The following ZNF182 variants were observed in gnomAD, a reference collection of about 807,000 sequenced individuals.
ZNF182 encodes zinc finger protein 182.
Under a neutral mutation model 28.1 loss-of-function variants are expected in ZNF182, and 10 were observed. The ratio of observed to expected loss-of-function variants is 0.36; its 90% CI spans 0.22 to 0.60. The LOEUF (loss-of-function observed/expected upper bound fraction) is 0.60. Ranked by LOEUF, ZNF182 falls within the 20% of genes least tolerant of loss-of-function variation. ZNF182 has a pLI of 0.75. For missense variants in ZNF182, 352 were observed against 453.2 expected, an observed-to-expected ratio of 0.78 and a Z score of 2.03; for synonymous variants, 156 against 158.7, an observed-to-expected ratio of 0.98 and a Z score of 0.13.
intron 3 of ZNF182, among the ~76,000 whole-genome samples, chrX:47,997,759 T>C (rs2058964261): frequency 9.0e-6 from 1 of 110,635 alleles, no homozygotes; most frequent in Admixed American, 9.6e-5. Flanking sequence ...ACCACTACGC[T>C]CCAGCCTGGG....
rs141776288 is a variant in ZNF182 at position 47,976,965 on chromosome X, A to G, written c.1065T>C (p.His355=). The change falls in exon 6 of 6, where the codon CAT becomes CAC. Residue 355 remains histidine (H), a synonymous_variant. Transcript: ENST00000376943. The part of the protein sequence containing the change: ...HHSTHTGKKP[H]ECNECKKTFS... ...AAGTTTTCTTACACTCATTACATTC[A>G]TGGGGTTTCTTTCCTGTATGGGTAC... The G allele has an allele frequency of 1.7e-6, 2 of 1,206,764 alleles. No individual in the cohort carries two copies. The highest frequency in any genetic ancestry group is 2.2e-6 in the Non-Finnish European group (2 of 893,841).
chrX:47,983,475 G>A (rs1292141663), intron 3 of ZNF182, 64 bp from the exon 4 acceptor site: 36 of 1,098,663 alleles, frequency 3.3e-5, no homozygotes, highest in African/African-American at 7.5e-5. Flanking sequence ...TAAAATGCAC[G>A]GGAACTTCTG....
intron 3 of ZNF182, among the ~76,000 whole-genome samples, chrX:48,000,514 A>G (rs1336262013): frequency 9.0e-6 from 1 of 111,134 alleles, no homozygotes; most frequent in Non-Finnish European, 1.9e-5. Context: ...GTGAGCCAAG[A>G]TGGCGCCACT....
intron 3 of ZNF182, 165 bp downstream of exon 3, chrX:48,002,430 T>C (rs7052617): frequency 0.016 from 10,991 of 681,344 alleles, 118 homozygotes; most frequent in Middle Eastern, 0.059. Context: ...ACACCCTGAG[T>C]CCTGCACACC....
intron 4 of ZNF182, 121 bp downstream of exon 4, chrX:47,983,164 C>A: frequency 2.7e-6 from 3 of 1,123,517 alleles, no homozygotes; most frequent in Non-Finnish European, 3.7e-6. Flanking sequence ...AACCATTTAA[C>A]CTGCATTTTG....
intron 3 of ZNF182, among the ~76,000 whole-genome samples, chrX:47,984,774 C>T (rs1228746230): frequency 1.8e-5 from 2 of 111,920 alleles, no homozygotes; most frequent in Non-Finnish European, 3.8e-5. Context: ...TGGCAAATAA[C>T]TTTTATTGAG....
intron 3 of ZNF182, among the ~76,000 whole-genome samples, chrX:47,992,625 T>C (rs2058945681): frequency 9.0e-6 from 1 of 111,516 alleles, no homozygotes; most frequent in Admixed American, 9.5e-5. Context: ...ACTCGCTGGC[T>C]GAGCACATGT....
intron 3 of ZNF182, among the ~76,000 whole-genome samples, chrX:47,983,908 G>C (rs1329411732): frequency 2.7e-5 from 3 of 111,538 alleles, no homozygotes; most frequent in Non-Finnish European, 5.6e-5. Flanking sequence ...CTTTGGAGTA[G>C]GGAAACAATT....
intron 3 of ZNF182, chrX:47,988,572 A>G: frequency 2.0e-6 from 1 of 498,035 alleles, no homozygotes; most frequent in Non-Finnish European, 3.7e-6. Context: ...CTGAGTCCTC[A>G]CCAGATGCAG....
intron 3 of ZNF182, among the ~76,000 whole-genome samples, chrX:47,987,035 T>A (rs2058925563): frequency 8.9e-6 from 1 of 112,048 alleles, no homozygotes; most frequent in African/African-American, 3.2e-5. Context: ...GGACTTCACC[T>A]TGTGATCGTG....
intron 3 of ZNF182, among the ~76,000 whole-genome samples, chrX:47,984,835 C>G (rs1416121312): frequency 8.9e-6 from 1 of 111,814 alleles, no homozygotes; most frequent in Non-Finnish European, 1.9e-5. Flanking sequence ...AAAAGAGATA[C>G]TTCACCATGG....
intron 3 of ZNF182, among the ~76,000 whole-genome samples, chrX:47,996,144 G>A (rs2058957790): frequency 8.9e-6 from 1 of 112,129 alleles, no homozygotes; most frequent in African/African-American, 3.2e-5. Flanking sequence ...TTGACAGTTG[G>A]AAGAGAAATA....
intron 5 of ZNF182, among the ~76,000 whole-genome samples, chrX:47,978,451 T>A (rs1260597314): frequency 8.9e-6 from 1 of 112,259 alleles, no homozygotes; most frequent in Non-Finnish European, 1.9e-5. Context: ...CCCAGACTCA[T>A]GTGTTACAAT....
At chrX:47,988,273 C>T (rs969855993) in intron 3 of ZNF182, among the ~76,000 whole-genome samples, 12 of 110,212 alleles carry the variant, frequency 1.1e-4, no homozygotes, top group Admixed American at 2.9e-4. Flanking sequence ...GCTGAGATCA[C>T]GCCACTGCAC....
In ZNF182 at chrX:47,983,364, C is replaced by T. The variant is rs781858932; in HGVS notation, c.63G>A (p.Glu21=). Residue 21 remains glutamate, a synonymous_variant, in exon 4 of 6, where the codon GAG becomes GAA. Transcript: ENST00000376943. The part of the protein sequence containing the change: ...EDVAVDFTQE[E]WQYLNPPQRT... Reference sequence around the variant, plus strand: ...TCTGTGGTGGGTTCAGGTACTGCCACTCCTCCTGGGTGAAATCCACAGCTA... The same window carrying T: ...TCTGTGGTGGGTTCAGGTACTGCCATTCCTCCTGGGTGAAATCCACAGCTA... 1.7e-5 allele frequency: 20 copies of T among 1,208,965 alleles called. No homozygotes were observed. Among genetic ancestry groups the T allele is most frequent in the Admixed American group, 2.2e-5 (1 of 45,563 alleles).
chrX:47,982,884 GCCTCA>G, intron 5 of ZNF182, 60 bp downstream of exon 5: 1 of 1,029,940 alleles, frequency 9.7e-7, no homozygotes. Context: ...CTGTCAGAGG[GCCTCA>G]CCTCTGACTA....
intron 3 of ZNF182, chrX:47,988,544 G>C: frequency 2.0e-6 from 1 of 502,540 alleles, no homozygotes; most frequent in Non-Finnish European, 3.6e-6. Context: ...TTTGCCTTCT[G>C]CCATGAGTAG....
At chrX:47,981,330 TGAAGGA>T (rs1420566967) in intron 5 of ZNF182, among the ~76,000 whole-genome samples, 1 of 111,642 alleles carries the variant, frequency 9.0e-6, no homozygotes, top group African/African-American at 3.3e-5. Flanking sequence ...GGAGCCAACT[TGAAGGA>T]GATTCCACTG....
At position 47,976,033 on chromosome X, in the gene ZNF182, T is replaced by C; in HGVS notation, c.*134A>G. On this transcript the variant is annotated 3_prime_UTR_variant, in exon 6 of 6. Coordinates refer to ENST00000376943, the MANE Select transcript of ZNF182 (RefSeq NM_001007088.2). The stretch of plus-strand genomic sequence containing the variant: ...TTTTTCTCCCGTAGCTTTTGGGTTA[T>C]GACTGAGATGAAAAGAAGAAAGGCT... 1.5e-6 allele frequency: 1 copy of C among 674,489 alleles called. No homozygotes were observed. The highest frequency in any genetic ancestry group is 2.1e-6 in the Non-Finnish European group (1 of 476,316). The allele number at this position is 674,489 out of a possible 1,213,427, so 55.6% of individuals were successfully genotyped here.
Sources: allele counts gnomAD v4.1 joint callset (sites outside exome capture counted in the v4.1 genomes callset), GRCh38; gene constraint gnomAD v4.1.1; transcripts MANE v1.5; gene names NCBI Gene and HGNC (gene_info 2026-07-23, HGNC 2026-07-21).